The following SH3RF1 variants were observed in gnomAD, a reference collection of about 807,000 sequenced individuals.
SH3RF1 encodes the protein SH3 domain containing ring finger 1.
Under a neutral mutation model 74.0 loss-of-function variants are expected in SH3RF1, and 32 were observed. The observed-to-expected ratio is 0.43, with a 90% CI of 0.33 to 0.58. The LOEUF is 0.58. Ranked by LOEUF, SH3RF1 falls within the 20% of genes least tolerant of loss-of-function variation. The probability of loss-of-function intolerance (pLI) is 0.05; values close to 1 mark genes in which losing one functional copy is unlikely to be tolerated. For synonymous variants in SH3RF1, 396 were observed against 439.6 expected, an observed-to-expected ratio of 0.90 and a Z score of 1.24; for missense variants, 954 against 1,130.9, an observed-to-expected ratio of 0.84 and a Z score of 2.24.
chr4:169,120,937 T>C lies in SH3RF1; in HGVS notation c.1399A>G (p.Arg467Gly). 6.2e-7 allele frequency: 1 copy of C among 1,614,162 alleles called. No individual in the cohort carries two copies. The highest frequency in any genetic ancestry group is 2.2e-5 in the East Asian group (1 of 44,876). ...AACACTAAAAACATCTCCCCTTTTC[T>C]CAGCTCTAGTTCATCCTCTTTCCGA... ...TPRKEDELEL[R>G]KGEMFLVFER... Residue 467 changes from arginine (R) to glycine (G), a missense_variant, in exon 8 of 12, where the codon AGA (arginine) becomes GGA (glycine). This residue lies in a region of SH3RF1 where 854 missense variants were observed against 962.5 expected (regional missense o/e 0.89). Transcript: ENST00000284637.
chr4:169,154,073 C>T (rs1047216621), intron 4 of SH3RF1, among the ~76,000 whole-genome samples: 1 of 152,094 alleles, frequency 6.6e-6, no homozygotes, highest in Non-Finnish European at 1.5e-5. Flanking sequence ...CTGTGCTTAC[C>T]CATGCTCTTC....
At chr4:169,102,534 T>C (rs927924144) in intron 11 of SH3RF1, among the ~76,000 whole-genome samples, 10 of 152,080 alleles carry the variant, frequency 6.6e-5, no homozygotes, top group African/African-American at 2.4e-4. Flanking sequence ...TTTTTTTCTT[T>C]GGAAGAAAAA....
At chr4:169,256,191 T>C (rs545041568) in intron 2 of SH3RF1, among the ~76,000 whole-genome samples, 2 of 152,000 alleles carry the variant, frequency 1.3e-5, no homozygotes, top group East Asian at 3.9e-4. Flanking sequence ...TTTTTTAAAA[T>C]TACTTGAGCT....
At position 169,269,038 on chromosome 4, in the gene SH3RF1, C is replaced by G; in HGVS notation, c.175G>C (p.Gly59Arg). The change falls in exon 2 of 12, where the codon GGT (glycine) becomes CGT (arginine). Residue 59 changes from glycine (G) to arginine (R), a missense_variant. Gly to Arg is a moderately radical substitution (Grantham distance 125). Coordinates refer to ENST00000284637, the MANE Select transcript of SH3RF1 (RefSeq NM_020870.4). Reference sequence around the variant, plus strand: ...ATGTTACTGGGAAGCTCCTCGACACCCGAGCCAACAAGAGTCCTGCACTCG... The same window carrying G: ...ATGTTACTGGGAAGCTCCTCGACACGCGAGCCAACAAGAGTCCTGCACTCG... Reference protein sequence around the residue: ...CPECRTLVGSGVEELPSNILL... With the variant: ...CPECRTLVGSRVEELPSNILL... The G allele has an allele frequency of 6.2e-7, 1 of 1,614,134 alleles. No individual in the cohort carries two copies. The highest frequency in any genetic ancestry group is 1.1e-5 in the South Asian group (1 of 91,062).
intron 2 of SH3RF1, among the ~76,000 whole-genome samples, chr4:169,173,580 G>A (rs1734366583): frequency 6.6e-6 from 1 of 152,188 alleles, no homozygotes. Flanking sequence ...AAGTGTTTGT[G>A]TCTGAGGAGC....
At chr4:169,105,139 G>A (rs116146701) in intron 11 of SH3RF1, among the ~76,000 whole-genome samples, 2 of 151,982 alleles carry the variant, frequency 1.3e-5, no homozygotes, top group African/African-American at 4.8e-5. Context: ...ATTTCAAGTC[G>A]GCAACATAGA....
At chr4:169,204,454 G>C (rs1730201158) in intron 2 of SH3RF1, among the ~76,000 whole-genome samples, 1 of 151,314 alleles carries the variant, frequency 6.6e-6, no homozygotes, top group Non-Finnish European at 1.5e-5. Flanking sequence ...ACATATATTA[G>C]AAACAGCATG....
chr4:169,258,074 CT>C (rs1731220536), intron 2 of SH3RF1, among the ~76,000 whole-genome samples: 3 of 152,290 alleles, frequency 2.0e-5, no homozygotes, highest in South Asian at 4.2e-4. Context: ...ACGGTAATTA[CT>C]TTTTAAATTT....
intron 1 of SH3RF1, chr4:169,269,791 G>T (rs1403110964): frequency 1.3e-5 from 2 of 152,316 alleles, no homozygotes; most frequent in Non-Finnish European, 2.9e-5. Flanking sequence ...CGTGGTAAAT[G>T]ATCCCAATAT....
At chr4:169,223,691 C>A (rs541334513) in intron 2 of SH3RF1, among the ~76,000 whole-genome samples, 109 of 152,246 alleles carry the variant, frequency 7.2e-4, no homozygotes, top group African/African-American at 2.5e-3. Context: ...GGGTGATGGG[C>A]AAGCATATCA....
chr4:169,119,061 A>C (rs1395708773), intron 8 of SH3RF1, among the ~76,000 whole-genome samples: 1 of 152,244 alleles, frequency 6.6e-6, no homozygotes, highest in African/African-American at 2.4e-5. Context: ...TGAATGACAG[A>C]ATTTACTGTA....
chr4:169,106,806 G>C (rs1370405907), intron 11 of SH3RF1, 41 bp downstream of exon 11: 1 of 1,441,564 alleles, frequency 6.9e-7, no homozygotes. Flanking sequence ...AAAGCCTATT[G>C]TTCATTTTTT....
intron 2 of SH3RF1, among the ~76,000 whole-genome samples, chr4:169,227,999 T>G (rs1270529966): frequency 6.6e-6 from 1 of 152,242 alleles, no homozygotes; most frequent in Non-Finnish European, 1.5e-5. Flanking sequence ...ATTAAGGATT[T>G]CATTTCCTAT....
In SH3RF1 at chr4:169,122,106, G is replaced by C; in HGVS notation, c.1340C>G (p.Pro447Arg). 6.2e-7 allele frequency: 1 copy of C among 1,612,384 alleles called. No individual in the cohort carries two copies. The highest frequency in any genetic ancestry group is 8.5e-7 in the Non-Finnish European group (1 of 1,179,916). ...AGACGACACGCTCACTTACACACTG[G>C]GGCGAGTCTGCGGCCGTAAATGTGC... Reference protein sequence around the residue: ...QIAHLRPQTRPSVYVAIYPYT... With the variant: ...QIAHLRPQTRRSVYVAIYPYT... Residue 447 changes from proline to arginine, a missense_variant, in exon 7 of 12, where the codon CCC becomes CGC. Physicochemically the swap from Pro to Arg is moderately radical, Grantham distance 103. Coordinates refer to ENST00000284637, the MANE Select transcript of SH3RF1 (RefSeq NM_020870.4).
intron 4 of SH3RF1, among the ~76,000 whole-genome samples, chr4:169,145,684 G>C (rs191411513): frequency 1.4e-5 from 2 of 138,610 alleles, no homozygotes; most frequent in Non-Finnish European, 3.1e-5. Flanking sequence ...TCCTGACCTC[G>C]TGATCCACCT....
chr4:169,252,464 T>C (rs1731121570), intron 2 of SH3RF1, among the ~76,000 whole-genome samples: 2 of 152,254 alleles, frequency 1.3e-5, no homozygotes, highest in Non-Finnish European at 2.9e-5. Context: ...ACTATTCTCA[T>C]TCTAAAGCTA....
intron 1 of SH3RF1, among the ~76,000 whole-genome samples, chr4:169,270,208 G>T (rs1731424204): frequency 6.6e-6 from 1 of 152,196 alleles, no homozygotes; most frequent in Admixed American, 6.5e-5. Context: ...TGACAAAGCC[G>T]GAGCGGGGGA....
chr4:169,218,749 T>C (rs1361304372), intron 2 of SH3RF1, among the ~76,000 whole-genome samples: 2 of 152,004 alleles, frequency 1.3e-5, no homozygotes, highest in African/African-American at 4.8e-5. Flanking sequence ...CTGAAATACA[T>C]ATACAGGTAT....
intron 2 of SH3RF1, among the ~76,000 whole-genome samples, chr4:169,181,257 CTTTTTTTT>C (rs397878328): frequency 1.9e-5 from 2 of 103,390 alleles, no homozygotes; most frequent in African/African-American, 8.3e-5. Flanking sequence ...TTGGGAAAGC[CTTTTTTTT>C]TTTTTTTTTT....
Sources: gnomAD v4.1 joint callset for allele counts (sites outside exome capture counted in the v4.1 genomes callset) on GRCh38, gnomAD v4.1.1 for gene constraint, gnomAD v4.1.1 regional missense constraint, MANE v1.5 for transcripts, NCBI Gene and HGNC (gene_info 2026-07-23, HGNC 2026-07-21) for gene names.